The following NRXN2 variants were observed in gnomAD, a reference collection of about 807,000 sequenced individuals.
NRXN2 encodes the protein neurexin-2-beta.
A neutral mutation model predicts 128.8 loss-of-function variants in NRXN2; 29 were observed. The ratio of observed to expected loss-of-function variants is 0.23; its 90% CI spans 0.17 to 0.31. The LOEUF is 0.31. Among genes scored for constraint, NRXN2 ranks in the 10% least tolerant of loss-of-function variants. The probability of loss-of-function intolerance (pLI) is 1.00; values close to 1 mark genes in which losing one functional copy is unlikely to be tolerated. For missense variants in NRXN2, 1,881 were observed against 2,452.6 expected (o/e 0.77, Z 4.92); for synonymous variants, 1,098 against 1,075.2 (o/e 1.02, Z -0.41).
chr11:64,642,912 G>A (rs571359241), intron 17 of NRXN2: 1 of 1,028,686 alleles, frequency 9.7e-7, no homozygotes, highest in South Asian at 4.6e-5. Context: ...AGCGGGGTAG[G>A]GATGAAGCGG....
intron 22 of NRXN2, among the ~76,000 whole-genome samples, chr11:64,619,418 T>G (rs1386673979): frequency 6.6e-6 from 1 of 151,834 alleles, no homozygotes; most frequent in Non-Finnish European, 1.5e-5. Flanking sequence ...TGAGCAGCCT[T>G]GGCACTCACT....
At position 64,677,054 on chromosome 11, in the gene NRXN2, G is replaced by A. The variant is rs781599387; in HGVS notation, c.1153-17C>T. 7 of 1,491,938 alleles carry A rather than the reference G, an allele frequency of 4.7e-6. No individual in the cohort carries two copies. The African/African-American group carries it at 9.9e-5, about 21-fold the overall frequency. The allele number at this position is 1,491,938 out of a possible 1,614,324, so 92.4% of individuals were successfully genotyped here. ...CCCTGCGTGCTTCACCGGAGATATGGGGGGATGGGGAGGAGGGGGGTGTCA... is the reference window on the plus strand; with the variant it reads ...CCCTGCGTGCTTCACCGGAGATATGAGGGGATGGGGAGGAGGGGGGTGTCA... On this transcript the variant is annotated splice_polypyrimidine_tract_variant and intron_variant, in intron 6 of 22. Coordinates refer to ENST00000265459, the MANE Select transcript of NRXN2 (RefSeq NM_015080.4).
intron 17 of NRXN2, among the ~76,000 whole-genome samples, chr11:64,641,395 C>G (rs1341725822): frequency 6.6e-6 from 1 of 151,932 alleles, no homozygotes; most frequent in African/African-American, 2.4e-5. Flanking sequence ...CCCTGGGATG[C>G]AAGTGACAGA....
rs1032731523 is a variant in NRXN2 at position 64,676,655 on chromosome 11, G to A, written c.1197+338C>T. ...CAATAGAAATAAGCAGCCTGGCATC[G>A]GGGCTGGTCTAACCAGAGCCGATGA... On this transcript the variant is annotated intron_variant, in intron 7 of 22. Transcript: ENST00000265459. The A allele has an allele frequency of 7.7e-5, 28 of 362,840 alleles. No individual in the cohort carries two copies. The South Asian group carries it at 1.3e-3, about 17-fold the overall frequency. The allele number at this position is 362,840 out of a possible 1,614,324, so 22.5% of individuals were successfully genotyped here.
chr11:64,682,089 A>G (rs1236021988), intron 6 of NRXN2, among the ~76,000 whole-genome samples: 1 of 151,364 alleles, frequency 6.6e-6, no homozygotes, highest in Non-Finnish European at 1.5e-5. Context: ...ATCCTTGAGG[A>G]CTGCATCCTT....
At chr11:64,674,092 T>C (rs1405281059) in intron 7 of NRXN2, among the ~76,000 whole-genome samples, 1 of 151,462 alleles carries the variant, frequency 6.6e-6, no homozygotes, top group Non-Finnish European at 1.5e-5. Context: ...TCACCCAGGC[T>C]AGTCTTGAAC....
chr11:64,716,993 C>G (rs573663838), intron 1 of NRXN2, among the ~76,000 whole-genome samples: 32 of 152,226 alleles, frequency 2.1e-4, no homozygotes, highest in African/African-American at 6.7e-4. Flanking sequence ...TCCAACCCAC[C>G]CTTCTCCCAG....
At chr11:64,662,166 G>A (rs2049123997) in intron 9 of NRXN2, among the ~76,000 whole-genome samples, 1 of 152,008 alleles carries the variant, frequency 6.6e-6, no homozygotes, top group Non-Finnish European at 1.5e-5. Flanking sequence ...ACTAAGGCAG[G>A]AGAATCACTT....
chr11:64,651,108 G>C lies in NRXN2; in HGVS notation c.2918+147C>G, dbSNP rs2047399947. 9.4e-7 allele frequency: 1 copy of C among 1,065,348 alleles called. No individual in the cohort carries two copies. The highest frequency in any genetic ancestry group is 1.4e-6 in the Non-Finnish European group (1 of 713,798). 66.0% of individuals were successfully genotyped at this position (1,065,348 alleles called of 1,614,324 possible). A position where few individuals can be genotyped will look rare whatever the true frequency, so the allele number is the denominator to read the frequency against. On this transcript the variant is annotated intron_variant, in intron 14 of 22. Transcript: ENST00000265459. The surrounding 1 kb of genome is among the most constrained non-coding windows in gnomAD (Gnocchi z 5.9). ...CTTCTCCATCTTGGCTGAAGAGGGA[G>C]CCTCTCGACTTACGGTCGGGGACCT...
Position 64,608,036 on chromosome 11 carries a change from G to C in NRXN2, c.4299C>G (p.Pro1433=). The C allele has an allele frequency of 3.8e-6, 6 of 1,574,000 alleles. No homozygotes were observed. Among genetic ancestry groups the C allele is most frequent in the Non-Finnish European group, 5.1e-6 (6 of 1,166,592 alleles). The change falls in exon 23 of 23, where the codon CCC becomes CCG. Residue 1433 remains proline (P), a synonymous_variant. Transcript: ENST00000265459. ...AGGGGGATCGGGTGGCCACGGGAGG[G>C]GGGTCTAAGGAGTCCTCCGTGATAA... ...LPIITEDSLD[P]PPVATRSPFV...
chr11:64,636,616 G>A (rs1306206907), intron 17 of NRXN2, among the ~76,000 whole-genome samples: 3 of 152,172 alleles, frequency 2.0e-5, no homozygotes, highest in African/African-American at 7.2e-5. Flanking sequence ...TGTGAGGAGA[G>A]GGGTTCAAGG....
Position 64,667,050 on chromosome 11 carries a change from T to C in NRXN2, c.1798+200A>G, listed in dbSNP as rs1465218395. ...TGAGGTGTAATCCAGGTCTGACTGATGCCAAATGCTGTGCTCTTTCTGCCA... is the reference window on the plus strand; with the variant it reads ...TGAGGTGTAATCCAGGTCTGACTGACGCCAAATGCTGTGCTCTTTCTGCCA... On this transcript the variant is annotated intron_variant, in intron 9 of 22. Coordinates refer to ENST00000265459, the MANE Select transcript of NRXN2 (RefSeq NM_015080.4). This position sits in a 1 kb window ranked among gnomAD's most constrained non-coding sequence, Gnocchi z 5.6. Among the ~76,000 whole-genome samples the C allele has an allele frequency of 6.6e-6, 1 of 152,168 alleles. No homozygotes were observed. Among genetic ancestry groups the C allele is most frequent in the Non-Finnish European group, 1.5e-5 (1 of 68,040 alleles).
rs954302014 is a variant in NRXN2 at position 64,651,929 on chromosome 11, G to T, written c.2536+106C>A. The T allele has an allele frequency of 5.8e-6, 9 of 1,554,278 alleles. No individual in the cohort carries two copies. Among genetic ancestry groups the T allele is most frequent in the South Asian group, 1.1e-5 (1 of 89,726 alleles). On this transcript the variant is annotated intron_variant, in intron 13 of 22. Transcript: ENST00000265459. The surrounding 1 kb of genome is among the most constrained non-coding windows in gnomAD (Gnocchi z 5.9). ...GAGAAATGGCAGAGGCAGCTTGCCA[G>T]AACACTGCCCTAGGAATGGCAGCCC...
rs891826632 is a variant in NRXN2 at position 64,652,126 on chromosome 11, C to A, written c.2445G>T (p.Gly815=). 6 of 1,613,114 alleles carry A rather than the reference C, an allele frequency of 3.7e-6. No individual in the cohort carries two copies. The highest frequency in any genetic ancestry group is 5.1e-6 in the Non-Finnish European group (6 of 1,179,954). ...GCCACTCATTGTCATTGAGCTTGTGCCCCGCAAACAGCGTTTCGGGGCCTT... is the reference window on the plus strand; with the variant it reads ...GCCACTCATTGTCATTGAGCTTGTGACCCGCAAACAGCGTTTCGGGGCCTT... The part of the protein sequence containing the change: ...PSKGPETLFA[G]HKLNDNEWHT... The change falls in exon 13 of 23, where the codon GGG becomes GGT. Residue 815 remains glycine (G), a synonymous_variant. Transcript: ENST00000265459.
At chr11:64,609,760 G>C (rs1263364665) in intron 22 of NRXN2, among the ~76,000 whole-genome samples, 1 of 152,324 alleles carries the variant, frequency 6.6e-6, no homozygotes, top group South Asian at 2.1e-4. Flanking sequence ...GGCCTGACGA[G>C]GGTTGGAGGT....
rs372281059 is a variant in NRXN2, at chr11:64,651,547, A to T, written c.2626T>A (p.Ser876Thr). The change falls in exon 14 of 23, where the codon TCC (serine) becomes ACC (threonine). Residue 876 changes from serine (S) to threonine (T), a missense_variant. Ser to Thr is a moderately conservative substitution (Grantham distance 58, BLOSUM62 1). Transcript: ENST00000265459. The surrounding 1 kb of genome is among the most constrained non-coding windows in gnomAD (Gnocchi z 5.9). ...CCACTCAGATGCCCGATGAAGTTGG[A>T]GGGCACCACGGAGATAAACCGCCGC... ...TERRFISVVP[S>T]NFIGHLSGLV... 6.8e-6 allele frequency: 11 copies of T among 1,613,944 alleles called. No homozygotes were observed. The African/African-American group carries it at 1.3e-4, about 20-fold the overall frequency.
chr11:64,668,668 C>T, intron 7 of NRXN2, 64 bp from the exon 8 acceptor site: 10 of 1,596,760 alleles, frequency 6.3e-6, no homozygotes, highest in Non-Finnish European at 8.5e-6. Context: ...CTAGGAAGAG[C>T]TACGGCTAGG....
intron 17 of NRXN2, among the ~76,000 whole-genome samples, chr11:64,639,027 C>T (rs2045265219): frequency 6.6e-6 from 1 of 152,238 alleles, no homozygotes; most frequent in Non-Finnish European, 1.5e-5. Flanking sequence ...ACCACCCATG[C>T]AGTGATGCCC....
chr11:64,698,820 T>C (rs1273427058), intron 2 of NRXN2, among the ~76,000 whole-genome samples: 2 of 152,256 alleles, frequency 1.3e-5, no homozygotes, highest in Non-Finnish European at 2.9e-5. Flanking sequence ...GGTTGGGCTC[T>C]GATCTTCTTT....
Sources: gnomAD v4.1 joint callset for allele counts (sites outside exome capture counted in the v4.1 genomes callset) on GRCh38, gnomAD v4.1.1 for gene constraint, Gnocchi (gnomAD v3.1) non-coding constraint, MANE v1.5 for transcripts, NCBI Gene and HGNC (gene_info 2026-07-23, HGNC 2026-07-21) for gene names.